DENND5A: variants seen among roughly 807,000 people sequenced by gnomAD.
DENND5A encodes DENN domain-containing protein 5A.
A neutral mutation model predicts 140.3 loss-of-function variants in DENND5A; 64 were observed. The observed-to-expected ratio is 0.46, with a 90% CI of 0.37 to 0.56. The LOEUF (loss-of-function observed/expected upper bound fraction) is 0.56. Among genes scored for constraint, DENND5A ranks in the 20% least tolerant of loss-of-function variants. DENND5A has a pLI of 0.00. For synonymous variants in DENND5A, 605 were observed against 607.7 expected (o/e 1.00, Z 0.07); for missense variants, 1,292 against 1,593.8 (o/e 0.81, Z 3.22).
intron 1 of DENND5A, among the ~76,000 whole-genome samples, chr11:9,238,013 C>T (rs1369327346): frequency 1.3e-5 from 2 of 152,146 alleles, no homozygotes; most frequent in African/African-American, 4.8e-5. Context: ...AAATACTCCA[C>T]GGGTCCACCA....
At chr11:9,216,349 T>A (rs1487563523) in intron 1 of DENND5A, among the ~76,000 whole-genome samples, 1 of 152,224 alleles carries the variant, frequency 6.6e-6, no homozygotes, top group Non-Finnish European at 1.5e-5. Context: ...AAGGTATGCA[T>A]TAGCTCTTCC....
intron 1 of DENND5A, among the ~76,000 whole-genome samples, chr11:9,262,988 G>A (rs1455874828): frequency 6.6e-6 from 1 of 152,006 alleles, no homozygotes; most frequent in Non-Finnish European, 1.5e-5. Context: ...TGATCCGCCC[G>A]CCTCAGCCTC....
intron 1 of DENND5A, among the ~76,000 whole-genome samples, chr11:9,247,092 T>C (rs1338992651): frequency 1.3e-5 from 2 of 151,990 alleles, no homozygotes; most frequent in African/African-American, 4.8e-5. Flanking sequence ...TAGCTGGGCA[T>C]GGTGGCAGGC....
chr11:9,242,154 AT>A (rs1851265128), intron 1 of DENND5A, among the ~76,000 whole-genome samples: 1 of 151,044 alleles, frequency 6.6e-6, no homozygotes, highest in Non-Finnish European at 1.5e-5. Context: ...CATTATGTTT[AT>A]TTTTCAATGT....
intron 18 of DENND5A, among the ~76,000 whole-genome samples, 191 bp downstream of exon 18, chr11:9,144,803 GA>G (rs897907418): frequency 2.7e-5 from 4 of 149,950 alleles, no homozygotes; most frequent in Middle Eastern, 6.4e-3. Flanking sequence ...AAAAAAAAAA[GA>G]AAGAAAAAGA....
At chr11:9,181,780 T>C (rs1341469761) in intron 5 of DENND5A, among the ~76,000 whole-genome samples, 1 of 152,224 alleles carries the variant, frequency 6.6e-6, no homozygotes, top group South Asian at 2.1e-4. Flanking sequence ...GTGAATTCTA[T>C]ACTCAGTGAA....
At chr11:9,164,056 G>GTTT (rs768604681) in intron 11 of DENND5A, among the ~76,000 whole-genome samples, 2,599 of 57,934 alleles carry the variant, frequency 0.045, 638 homozygotes, top group East Asian at 0.097. Flanking sequence ...TATTAATCAG[G>GTTT]TTTTTTTTTT....
intron 1 of DENND5A, among the ~76,000 whole-genome samples, chr11:9,230,230 CTTTTTTTTTTTTTT>C (rs71062817): frequency 7.5e-4 from 39 of 52,094 alleles, no homozygotes; most frequent in African/African-American, 2.9e-3. Flanking sequence ...AAAACTAATG[CTTTTTTTTTTTTTT>C]TTTTTTTTTT....
intron 1 of DENND5A, among the ~76,000 whole-genome samples, chr11:9,213,169 A>T (rs1273608210): frequency 1.3e-5 from 2 of 152,026 alleles, no homozygotes; most frequent in African/African-American, 4.8e-5. Context: ...ACATCCAGCT[A>T]ATTTTTTTGT....
At chr11:9,150,321 TG>T in intron 14 of DENND5A, 112 bp from the exon 15 acceptor site, 1 of 1,283,560 alleles carries the variant, frequency 7.8e-7, no homozygotes, top group Non-Finnish European at 1.1e-6. Context: ...TATCTCACCC[TG>T]GGAGAGCCTA....
At position 9,178,971 on chromosome 11, in the gene DENND5A, A is replaced by T. The variant is rs1029879324; in HGVS notation, c.1558T>A (p.Phe520Ile). 1.1e-5 allele frequency: 17 copies of T among 1,614,034 alleles called. No homozygotes were observed. Among genetic ancestry groups the T allele is most frequent in the South Asian group, 2.2e-5 (2 of 91,092 alleles). Residue 520 changes from phenylalanine (F) to isoleucine (I), a missense_variant, in exon 7 of 23, where the codon TTT becomes ATT. Physicochemically the swap from Phe to Ile is conservative, Grantham distance 21. This residue lies in a region of DENND5A where 566 missense variants were observed against 650.4 expected (regional missense o/e 0.87). Transcript: ENST00000328194. ...AACATCTGAGTGAAACGATTTGCAA[A>T]AACTTCCCGGATCTGAATGTTTAGC... ...YQLNIQIREV[F>I]ANRFTQMFAD...
At chr11:9,150,883 T>C in intron 13 of DENND5A, 119 bp from the exon 14 acceptor site, 1 of 533,780 alleles carries the variant, frequency 1.9e-6, no homozygotes, top group African/African-American at 1.9e-5. Context: ...TGGTAACACT[T>C]TAATTGATTG....
rs1036331199 is a variant in DENND5A at position 9,140,070 on chromosome 11, C to T, written c.3681-216G>A. 7 of 1,181,584 alleles carry T rather than the reference C, an allele frequency of 5.9e-6. No individual in the cohort carries two copies. In the African/African-American group the frequency reaches 7.6e-5, roughly 13 times the overall value. The allele number at this position is 1,181,584 out of a possible 1,614,324, so 73.2% of individuals were successfully genotyped here. A position where few individuals can be genotyped will look rare whatever the true frequency, so the allele number is the denominator to read the frequency against. ...GACCCAAATCAGCCCTGTCATGAGCCTCCAAGCCTCCTCCTCCCCTGCCTC... is the reference window on the plus strand; with the variant it reads ...GACCCAAATCAGCCCTGTCATGAGCTTCCAAGCCTCCTCCTCCCCTGCCTC... On this transcript the variant is annotated intron_variant, in intron 22 of 22. Coordinates refer to ENST00000328194, the MANE Select transcript of DENND5A (RefSeq NM_015213.4).
chr11:9,251,687 TA>T (rs1851725975), intron 1 of DENND5A, among the ~76,000 whole-genome samples: 1 of 152,162 alleles, frequency 6.6e-6, no homozygotes, highest in Non-Finnish European at 1.5e-5. Context: ...CTTCACTTAG[TA>T]ACTTTTAAGA....
In DENND5A at chr11:9,162,233, C is replaced by CTTTTT. The variant is rs1221675349; in HGVS notation, c.2284-1373_2284-1369dup. On this transcript the variant is annotated intron_variant, in intron 11 of 22. Coordinates refer to ENST00000328194, the MANE Select transcript of DENND5A (RefSeq NM_015213.4). ...ATGACCAGCGCCAGGCCAGTTCCTT[C>CTTTTT]TTTTTTTTTTTTTTTTTTTTTTGAG... Among the ~76,000 whole-genome samples, 425 of 97,242 alleles carry CTTTTT rather than the reference C, an allele frequency of 4.4e-3. 3 individuals carry two copies. The highest frequency in any genetic ancestry group is 6.3e-3 in the Non-Finnish European group (314 of 49,600). 63.8% of individuals were successfully genotyped at this position (97,242 alleles called of 152,430 possible).
chr11:9,205,459 C>T (rs115255878), intron 3 of DENND5A, among the ~76,000 whole-genome samples: 309 of 152,274 alleles, frequency 2.0e-3, no homozygotes, highest in African/African-American at 7.2e-3. Flanking sequence ...AAACGCTAGA[C>T]TAGGAGTCAA....
rs757060174 is a variant in DENND5A at position 9,180,777 on chromosome 11, C to T, written c.1445G>A (p.Ser482Asn). 3.7e-6 allele frequency: 6 copies of T among 1,613,774 alleles called. No homozygotes were observed. Among genetic ancestry groups the T allele is most frequent in the East Asian group, 4.5e-5 (2 of 44,896 alleles). Residue 482 changes from serine to asparagine, a missense_variant, in exon 6 of 23, where the codon AGC becomes AAC. By Grantham distance (46) the Ser-to-Asn change is conservative. Transcript: ENST00000328194. ...ATATACACATCTTACCTTTTCCAGG[C>T]TCACCCCAGTTCTCTTGACCAAGGC... is the stretch of plus-strand genomic sequence containing the variant. ...LQALVKRTGV[S>N]LEKLEVREDP...
Position 9,150,115 on chromosome 11 carries a change from G to T in DENND5A, c.2701C>A (p.Leu901Met), listed in dbSNP as rs758385384. 2.5e-6 allele frequency: 4 copies of T among 1,613,814 alleles called. No homozygotes were observed. In the African/African-American group the frequency reaches 5.3e-5, roughly 22 times the overall value. The change falls in exon 15 of 23, where the codon CTG becomes ATG. Residue 901 changes from leucine to methionine, a missense_variant. By Grantham distance (15) the Leu-to-Met change is conservative. This residue lies in a region of DENND5A where 498 missense variants were observed against 689.7 expected (regional missense o/e 0.72). Coordinates refer to ENST00000328194, the MANE Select transcript of DENND5A (RefSeq NM_015213.4). ...SMEKKLLSRH[L>M]KQLLSDHELT... The stretch of plus-strand genomic sequence containing the variant: ...TCATGGTCTGAGAGGAGCTGCTTCA[G>T]GTGTCTGGAAAGTAACTTTTTTTCC...
intron 7 of DENND5A, 32 bp downstream of exon 7, chr11:9,178,826 C>A: frequency 1.3e-6 from 2 of 1,570,264 alleles, no homozygotes; most frequent in South Asian, 1.1e-5. Flanking sequence ...AGTTCTCATT[C>A]CTCACCACCT....
Sources: gnomAD v4.1 joint callset for allele counts (sites outside exome capture counted in the v4.1 genomes callset) on GRCh38, gnomAD v4.1.1 for gene constraint, gnomAD v4.1.1 regional missense constraint, MANE v1.5 for transcripts, NCBI Gene and HGNC (gene_info 2026-07-23, HGNC 2026-07-21) for gene names.